The following RASSF1 variants were observed in gnomAD, a reference collection of about 807,000 sequenced individuals.
The protein encoded by RASSF1 is ras association domain-containing protein 1.
A neutral mutation model predicts 34.3 loss-of-function variants in RASSF1; 33 were observed. That is an observed-to-expected ratio of 0.96 (90% CI 0.73 to 1.29). The LOEUF (loss-of-function observed/expected upper bound fraction) is 1.29. Among genes scored for constraint, RASSF1 ranks in the 50% most tolerant of loss-of-function variants. The pLI is 0.00. For missense variants in RASSF1, 445 were observed against 471.8 expected (o/e 0.94, Z 0.53); for synonymous variants, 191 against 195.0 (o/e 0.98, Z 0.17).
At chr3:50,340,197 G>T (rs1043851703) in intron 1 of RASSF1, among the ~76,000 whole-genome samples, 1 of 152,180 alleles carries the variant, frequency 6.6e-6, no homozygotes, top group Non-Finnish European at 1.5e-5. Flanking sequence ...TCACCCTAAA[G>T]GTTCTGGAGG....
chr3:50,331,810 A>C lies in RASSF1; in HGVS notation c.509T>G (p.Leu170Arg), dbSNP rs777944330. ...GGAGGGCACAGAGACAGGGCGCACCAGCTTCAGCTGAACCTTGATGAAGCC... is the reference window on the plus strand; with the variant it reads ...GGAGGGCACAGAGACAGGGCGCACCCGCTTCAGCTGAACCTTGATGAAGCC... ...YTGFIKVQLK[L>R]VRPVSVPSSK... Residue 170 changes from leucine to arginine, a missense_variant, in exon 4 of 6, where the codon CTG (leucine) becomes CGG (arginine). Leu to Arg is a moderately radical substitution (Grantham distance 102). Coordinates refer to ENST00000359365, the MANE Select transcript of RASSF1 (RefSeq NM_007182.5). 6.3e-7 allele frequency: 1 copy of C among 1,591,936 alleles called. No individual in the cohort carries two copies. Among genetic ancestry groups the C allele is most frequent in the East Asian group, 2.3e-5 (1 of 44,386 alleles).
chr3:50,330,810 C>G lies in RASSF1; in HGVS notation c.877-83G>C. 2.8e-6 allele frequency: 4 copies of G among 1,440,118 alleles called. No individual in the cohort carries two copies. Among genetic ancestry groups the G allele is most frequent in the Non-Finnish European group, 3.8e-6 (4 of 1,052,132 alleles). The allele number at this position is 1,440,118 out of a possible 1,614,324, so 89.2% of individuals were successfully genotyped here. A position where few individuals can be genotyped will look rare whatever the true frequency, so the allele number is the denominator to read the frequency against. On this transcript the variant is annotated intron_variant, in intron 5 of 5. Transcript: ENST00000359365. The surrounding 1 kb of genome is among the most constrained non-coding windows in gnomAD (Gnocchi z 4.5). ...CCCTCCCCAGAGAAGACTAGCACCT[C>G]ATGTTCACACAAGCTAGGACTGGGC... is the stretch of plus-strand genomic sequence containing the variant.
chr3:50,337,289 T>A (rs753631398), intron 2 of RASSF1: 5 of 1,612,926 alleles, frequency 3.1e-6, no homozygotes, highest in Non-Finnish European at 4.2e-6. Context: ...CTCCAGGTCA[T>A]TTCGAAAGAA....
chr3:50,339,740 C>A (rs190195496), intron 1 of RASSF1, among the ~76,000 whole-genome samples: 1 of 152,126 alleles, frequency 6.6e-6, no homozygotes, highest in Non-Finnish European at 1.5e-5. Context: ...CCTCTTGTAC[C>A]GGATGAGAGG....
chr3:50,340,271 A>G (rs901475948), intron 1 of RASSF1, among the ~76,000 whole-genome samples: 7 of 152,156 alleles, frequency 4.6e-5, no homozygotes, highest in African/African-American at 1.7e-4. Context: ...GTAGGCACAA[A>G]CCCTTTCTCA....
intron 2 of RASSF1, among the ~76,000 whole-genome samples, chr3:50,335,491 G>A (rs1339596455): frequency 6.6e-6 from 1 of 151,616 alleles, no homozygotes; most frequent in East Asian, 1.9e-4. Context: ...TAATTTTTTT[G>A]TATTTTCAGT....
intron 2 of RASSF1, among the ~76,000 whole-genome samples, chr3:50,335,171 AACTCCTG>A (rs1443504027): frequency 1.3e-5 from 2 of 151,920 alleles, no homozygotes; most frequent in East Asian, 3.9e-4. Flanking sequence ...GCTGGTCTTG[AACTCCTG>A]ACCTCATGAT....
At position 50,337,376 on chromosome 3, in the gene RASSF1, G is replaced by A. The variant is rs113877308; in HGVS notation, c.357+529C>T. On this transcript the variant is annotated intron_variant, in intron 2 of 5. Coordinates refer to ENST00000359365, the MANE Select transcript of RASSF1 (RefSeq NM_007182.5). ...GTCCGTAGCCGCCAACCACCGCCCC[G>A]GTCGCGTGCGTGCGTGTACGCGTGT... 10,302 of 1,598,372 alleles carry A rather than the reference G, an allele frequency of 6.4e-3. 609 individuals carry two copies. In the African/African-American group the frequency reaches 0.12, roughly 19 times the overall value.
intron 4 of RASSF1, 46 bp from the exon 5 acceptor site, chr3:50,331,495 C>T (rs1339518783): frequency 1.3e-6 from 2 of 1,566,966 alleles, no homozygotes; most frequent in African/African-American, 1.4e-5. Context: ...GCTGCTCAGC[C>T]CCTGCATGCT....
chr3:50,333,937 G>A (rs1380971754), intron 2 of RASSF1, among the ~76,000 whole-genome samples: 5 of 152,192 alleles, frequency 3.3e-5, no homozygotes, highest in South Asian at 2.1e-4. Flanking sequence ...TCCTGTTGAC[G>A]TCAGATAGGC....
chr3:50,335,258 GTTTT>G (rs587757586), intron 2 of RASSF1, among the ~76,000 whole-genome samples: 1 of 145,648 alleles, frequency 6.9e-6, no homozygotes, highest in Non-Finnish European at 1.5e-5. Context: ...TAAAACTGAT[GTTTT>G]TTTCTTTTTT....
At chr3:50,333,617 C>G (rs587731505) in intron 2 of RASSF1, among the ~76,000 whole-genome samples, 7 of 152,254 alleles carry the variant, frequency 4.6e-5, no homozygotes, top group African/African-American at 1.7e-4. Context: ...GCTGGGACTA[C>G]AGGCGCGTGC....
chr3:50,337,578 ACAGGGAACGGGGGCGGGTGC>A, intron 2 of RASSF1: 1 of 1,299,446 alleles, frequency 7.7e-7, no homozygotes, highest in Non-Finnish European at 1.1e-6. Context: ...CCCACCTACC[ACAGGGAACGGGGGCGGGTGC>A]CAGCGTCCGG....
chr3:50,333,636 C>G (rs1373698296), intron 2 of RASSF1, among the ~76,000 whole-genome samples: 1 of 152,154 alleles, frequency 6.6e-6, no homozygotes, highest in Non-Finnish European at 1.5e-5. Flanking sequence ...GCCACAACAA[C>G]ACCCGGCTAA....
At chr3:50,338,194 G>T in intron 1 of RASSF1, 183 bp from the exon 2 acceptor site, 1 of 1,415,878 alleles carries the variant, frequency 7.1e-7, no homozygotes, top group Non-Finnish European at 9.2e-7. Context: ...TCTGGAAACC[G>T]GCCGGAAGGC....
chr3:50,330,328 T>C lies in RASSF1; in HGVS notation c.*253A>G. ...GTCTGCACCACTCCTGCTGCAGGCC[T>C]GGAGCAGCTTCTCAGGGCAGCCCTG... On this transcript the variant is annotated 3_prime_UTR_variant, in exon 6 of 6. Coordinates refer to ENST00000359365, the MANE Select transcript of RASSF1 (RefSeq NM_007182.5). The surrounding 1 kb of genome is among the most constrained non-coding windows in gnomAD (Gnocchi z 4.5). 2.2e-6 allele frequency: 1 copy of C among 461,884 alleles called. No individual in the cohort carries two copies. Among genetic ancestry groups the C allele is most frequent in the Non-Finnish European group, 3.9e-6 (1 of 258,808 alleles). The allele number at this position is 461,884 out of a possible 1,614,324, so 28.6% of individuals were successfully genotyped here.
At chr3:50,338,454 A>G (rs986323116) in intron 1 of RASSF1, among the ~76,000 whole-genome samples, 1 of 152,052 alleles carries the variant, frequency 6.6e-6, no homozygotes, top group African/African-American at 2.4e-5. Context: ...TAATTTTTGT[A>G]TTTTTAGTAG....
In RASSF1 at chr3:50,331,683, C is replaced by T; in HGVS notation, c.636G>A (p.Lys212=). The change falls in exon 4 of 6, where the codon AAG becomes AAA. Residue 212 remains lysine, a synonymous_variant. Coordinates refer to ENST00000359365, the MANE Select transcript of RASSF1 (RefSeq NM_007182.5). The part of the protein sequence containing the change: ...TSFYLPKDAV[K]HLHVLSRTRA... ...TTGTGCGTGACAGCACATGCAGGTG[C>T]TTGACAGCATCCTTGGGCAGGTAAA... 1.2e-6 allele frequency: 2 copies of T among 1,613,306 alleles called. No individual in the cohort carries two copies. Among genetic ancestry groups the T allele is most frequent in the Non-Finnish European group, 1.7e-6 (2 of 1,179,412 alleles).
At chr3:50,331,957 C>T (rs1191825936) in intron 3 of RASSF1, 93 bp downstream of exon 3, 2 of 1,561,848 alleles carry the variant, frequency 1.3e-6, no homozygotes, top group East Asian at 2.3e-5. Flanking sequence ...CTTGCGCCCA[C>T]CCAAGATAAC....
Sources: allele counts gnomAD v4.1 joint callset (sites outside exome capture counted in the v4.1 genomes callset), GRCh38; gene constraint gnomAD v4.1.1; non-coding constraint Gnocchi (gnomAD v3.1); transcripts MANE v1.5; gene names NCBI Gene and HGNC (gene_info 2026-07-23, HGNC 2026-07-21).